ADAMTSL1: variants seen among roughly 807,000 people sequenced by gnomAD.
ADAMTSL1 encodes ADAMTS-like protein 1.
In ADAMTSL1, 126 loss-of-function variants were observed where a neutral mutation model predicts 201.8. The observed-to-expected ratio is 0.62, with a 90% confidence interval of 0.54 to 0.72. The LOEUF is 0.72. ADAMTSL1 is among the 30% of genes least tolerant of loss of function. ADAMTSL1 has a pLI of 0.00. For synonymous variants in ADAMTSL1, 1,121 were observed against 903.4 expected (o/e 1.24, Z -4.32); for missense variants, 2,679 against 2,277.8 (o/e 1.18, Z -3.59).
chr9:18,033,860 A>T (rs569085380), intron 1 of ADAMTSL1, among the ~76,000 whole-genome samples: 1 of 152,298 alleles, frequency 6.6e-6, no homozygotes, highest in South Asian at 2.1e-4. Flanking sequence ...ATAACCCAAC[A>T]TAGTAGATGT....
At chr9:18,318,268 G>A (rs1834485152) in intron 2 of ADAMTSL1, among the ~76,000 whole-genome samples, 1 of 152,154 alleles carries the variant, frequency 6.6e-6, no homozygotes, top group Non-Finnish European at 1.5e-5. Flanking sequence ...ATTTTAGAGA[G>A]TGGCCCCAAA....
At chr9:18,417,447 T>A (rs868116177) in intron 2 of ADAMTSL1, among the ~76,000 whole-genome samples, 27 of 127,758 alleles carry the variant, frequency 2.1e-4, no homozygotes, top group Middle Eastern at 4.5e-3. Context: ...AAAAAATCAA[T>A]AAAAATAAAA....
At chr9:18,024,521 T>C (rs894340425) in intron 1 of ADAMTSL1, among the ~76,000 whole-genome samples, 1 of 152,120 alleles carries the variant, frequency 6.6e-6, no homozygotes, top group African/African-American at 2.4e-5. Flanking sequence ...GTGGTGTTTA[T>C]TTTTCTGTTT....
At chr9:18,067,559 T>C (rs1489190701) in intron 1 of ADAMTSL1, among the ~76,000 whole-genome samples, 1 of 152,226 alleles carries the variant, frequency 6.6e-6, no homozygotes, top group African/African-American at 2.4e-5. Flanking sequence ...TTCCTGATTT[T>C]GAGAATTACA....
intron 1 of ADAMTSL1, among the ~76,000 whole-genome samples, chr9:18,070,780 G>C (rs1476632602): frequency 4.6e-5 from 7 of 152,252 alleles, no homozygotes; most frequent in African/African-American, 1.4e-4. Flanking sequence ...GAGGAGGATG[G>C]GATGGTGTGG....
At chr9:18,309,630 GGAT>G (rs1834038403) in intron 2 of ADAMTSL1, among the ~76,000 whole-genome samples, 4 of 152,004 alleles carry the variant, frequency 2.6e-5, no homozygotes, top group African/African-American at 9.6e-5. Context: ...AACTTATAAG[GGAT>G]GTGAAGGACC....
chr9:18,130,235 C>A (rs1035617753), intron 1 of ADAMTSL1, among the ~76,000 whole-genome samples: 1 of 152,090 alleles, frequency 6.6e-6, no homozygotes, highest in South Asian at 2.1e-4. Flanking sequence ...TTAGTCATTG[C>A]GGGAAGACAG....
intron 23 of ADAMTSL1, among the ~76,000 whole-genome samples, chr9:18,858,748 G>T (rs1355604669): frequency 6.6e-6 from 1 of 152,106 alleles, no homozygotes; most frequent in African/African-American, 2.4e-5. Context: ...ATGATCTCAG[G>T]TCTTACCTTT....
intron 1 of ADAMTSL1, among the ~76,000 whole-genome samples, chr9:18,160,584 A>C (rs1179463467): frequency 1.3e-5 from 2 of 151,930 alleles, no homozygotes; most frequent in African/African-American, 2.4e-5. Context: ...TTACATATCA[A>C]ATGTAAAGTA....
chr9:18,477,225 A>C (rs1198574309), intron 1 of ADAMTSL1, among the ~76,000 whole-genome samples: 1 of 152,220 alleles, frequency 6.6e-6, no homozygotes, highest in Non-Finnish European at 1.5e-5. Flanking sequence ...CTTGAAGTCA[A>C]ATCACTTCTT....
At chr9:18,629,497 A>G (rs568509571) in intron 5 of ADAMTSL1, among the ~76,000 whole-genome samples, 18 of 152,306 alleles carry the variant, frequency 1.2e-4, no homozygotes, top group Admixed American at 7.2e-4. Context: ...CTCAACTGAC[A>G]AAGTCCTGTG....
At chr9:18,186,430 C>T (rs1483668200) in intron 2 of ADAMTSL1, among the ~76,000 whole-genome samples, 1 of 151,984 alleles carries the variant, frequency 6.6e-6, no homozygotes, top group South Asian at 2.1e-4. Flanking sequence ...TGGCAATGTC[C>T]TTGATCAGGA....
Position 18,053,256 on chromosome 9 carries a change from A to G in ADAMTSL1, c.88-110606A>G, listed in dbSNP as rs148192943. On this transcript the variant is annotated intron_variant, in intron 1 of 29. Coordinates refer to the ADAMTSL1 transcript ENST00000680146. ...CTGATGAGTACAGTACCTGCTCTGG[A>G]TTATGATCTAGATCTTATAATGAGG... 7.0e-3 allele frequency among the ~76,000 whole-genome samples: 1,071 copies of G among 152,236 alleles called. 19 individuals are homozygous for G. Among genetic ancestry groups the G allele is most frequent in the African/African-American group, 0.024 (1,000 of 41,518 alleles).
At chr9:18,148,446 A>G (rs943896421) in intron 1 of ADAMTSL1, among the ~76,000 whole-genome samples, 9 of 152,050 alleles carry the variant, frequency 5.9e-5, no homozygotes, top group African/African-American at 2.2e-4. Context: ...AGTCAAGTCA[A>G]ATGGGAATCG....
Position 18,313,300 on chromosome 9 carries a change from T to C in ADAMTSL1, c.207+149319T>C, listed in dbSNP as rs868465532. 1.7e-4 allele frequency among the ~76,000 whole-genome samples: 26 copies of C among 152,076 alleles called. 1 individual carries two copies. The highest frequency in any genetic ancestry group is 5.8e-4 in the African/African-American group (24 of 41,412). On this transcript the variant is annotated intron_variant, in intron 2 of 29. Transcript: ENST00000680146. ...GTAAAAAGAATTTTCAGGGGAAGAG[T>C]CCTTAGGTACCGATATTTTTTTAAG...
intron 2 of ADAMTSL1, among the ~76,000 whole-genome samples, chr9:18,515,211 T>A (rs961846549): frequency 6.6e-6 from 1 of 152,172 alleles, no homozygotes; most frequent in Non-Finnish European, 1.5e-5. Flanking sequence ...TCCAAATGAT[T>A]TTAGTGTGTA....
chr9:18,261,622 G>T (rs1305570231), intron 2 of ADAMTSL1, among the ~76,000 whole-genome samples: 2 of 152,294 alleles, frequency 1.3e-5, no homozygotes, highest in East Asian at 1.9e-4. Flanking sequence ...GACAGTTAAA[G>T]GTGCTGGATT....
intron 2 of ADAMTSL1, among the ~76,000 whole-genome samples, chr9:18,215,227 G>C (rs1049193958): frequency 6.6e-6 from 1 of 151,852 alleles, no homozygotes; most frequent in Non-Finnish European, 1.5e-5. Context: ...TAATAATTTT[G>C]ACAGTTCCAG....
Position 18,906,014 on chromosome 9 carries a change from T to A in ADAMTSL1, c.4961+123T>A, listed in dbSNP as rs776136224. On this transcript the variant is annotated intron_variant, in intron 27 of 28. Coordinates refer to ENST00000380548, the MANE Select transcript of ADAMTSL1 (RefSeq NM_001040272.6). ...GTCCCAAGCCCTGCCTGGGACTCCA[T>A]CTCCATTCACCGCAAGCCACTGGCC... 1.3e-4 allele frequency: 109 copies of A among 859,440 alleles called. No homozygotes were observed. The Middle Eastern group carries it at 5.7e-3, about 45-fold the overall frequency. 53.2% of individuals were successfully genotyped at this position (859,440 alleles called of 1,614,324 possible).
Sources: allele counts gnomAD v4.1 joint callset (sites outside exome capture counted in the v4.1 genomes callset), GRCh38; gene constraint gnomAD v4.1.1; transcripts MANE v1.5; gene names NCBI Gene and HGNC (gene_info 2026-07-23, HGNC 2026-07-21).